The following SMARCC1 variants were observed in gnomAD, a reference collection of about 807,000 sequenced individuals.
The protein encoded by SMARCC1 is SWI/SNF complex subunit SMARCC1.
SMARCC1 carries 43 observed loss-of-function variants against 147.4 expected under a neutral mutation model. That is an observed-to-expected ratio of 0.29 (90% CI 0.23 to 0.38). The LOEUF (loss-of-function observed/expected upper bound fraction) is 0.38, where lower values mean the gene tolerates loss of function less well. Ranked by LOEUF, SMARCC1 falls within the 10% of genes least tolerant of loss-of-function variation. SMARCC1 has a pLI of 1.00. For synonymous variants in SMARCC1, 495 were observed against 484.4 expected, an observed-to-expected ratio of 1.02 and a Z score of -0.29; for missense variants, 1,119 against 1,381.1, an observed-to-expected ratio of 0.81 and a Z score of 3.01.
chr3:47,634,759 C>A lies in SMARCC1; in HGVS notation c.2646+431G>T, dbSNP rs1474413321. Reference sequence around the variant, plus strand: ...GAAAAAGAGCTATTTTAGGGTCTCTCTCTCCTTTCAGTCTGTAAGATCAGG... The same window carrying A: ...GAAAAAGAGCTATTTTAGGGTCTCTATCTCCTTTCAGTCTGTAAGATCAGG... On this transcript the variant is annotated intron_variant, in intron 24 of 27. Transcript: ENST00000254480. 2.6e-5 allele frequency among the ~76,000 whole-genome samples: 4 copies of A among 152,172 alleles called. No individual in the cohort carries two copies. The East Asian group carries it at 7.7e-4, about 29-fold the overall frequency.
chr3:47,759,525 G>T (rs2034747023), intron 2 of SMARCC1, among the ~76,000 whole-genome samples: 1 of 150,204 alleles, frequency 6.7e-6, no homozygotes, highest in African/African-American at 2.5e-5. Context: ...GGAGGCTGAG[G>T]CAGGAGAATA....
intron 19 of SMARCC1, among the ~76,000 whole-genome samples, chr3:47,668,352 T>C (rs79430033): frequency 0.01 from 1,554 of 152,250 alleles, 23 homozygotes; most frequent in African/African-American, 0.035. Flanking sequence ...TCTTACAGAG[T>C]AATTTCTTTT....
intron 9 of SMARCC1, 148 bp from the exon 10 acceptor site, chr3:47,706,678 A>G (rs373248055): frequency 1.5e-6 from 1 of 678,340 alleles, no homozygotes. Flanking sequence ...ATCATCCAGG[A>G]ACACCAGTAA....
intron 26 of SMARCC1, among the ~76,000 whole-genome samples, chr3:47,607,714 G>A (rs985810665): frequency 5.3e-5 from 8 of 152,146 alleles, no homozygotes; most frequent in Middle Eastern, 3.4e-3. Flanking sequence ...TAGCCAACTC[G>A]AAACAGTTCT....
intron 2 of SMARCC1, among the ~76,000 whole-genome samples, chr3:47,751,256 C>T (rs1243497544): frequency 6.6e-6 from 1 of 152,012 alleles, no homozygotes; most frequent in African/African-American, 2.4e-5. Context: ...AAGTAGAAAA[C>T]AGATGGCCAG....
At chr3:47,721,297 T>C (rs2034229998) in intron 6 of SMARCC1, among the ~76,000 whole-genome samples, 1 of 152,212 alleles carries the variant, frequency 6.6e-6, no homozygotes, top group African/African-American at 2.4e-5. Flanking sequence ...GCCTCATACC[T>C]GTTAGCCCTC....
chr3:47,599,213 C>G (rs1375550911), intron 26 of SMARCC1, among the ~76,000 whole-genome samples: 1 of 152,100 alleles, frequency 6.6e-6, no homozygotes, highest in Non-Finnish European at 1.5e-5. Context: ...ATGGTGAAAC[C>G]CTGTCTCTAC....
At chr3:47,702,425 G>C (rs984838096) in intron 10 of SMARCC1, among the ~76,000 whole-genome samples, 1 of 152,134 alleles carries the variant, frequency 6.6e-6, no homozygotes, top group African/African-American at 2.4e-5. Flanking sequence ...CTGAAGGTCA[G>C]AGTTAAGCTG....
At chr3:47,602,627 G>A (rs1473138209) in intron 26 of SMARCC1, among the ~76,000 whole-genome samples, 1 of 152,148 alleles carries the variant, frequency 6.6e-6, no homozygotes, top group Non-Finnish European at 1.5e-5. Flanking sequence ...GAATACCATT[G>A]TATTATGTCT....
At chr3:47,653,114 C>T (rs542661861) in intron 21 of SMARCC1, among the ~76,000 whole-genome samples, 3 of 152,128 alleles carry the variant, frequency 2.0e-5, no homozygotes, top group South Asian at 2.1e-4. Flanking sequence ...CCCGCCACCG[C>T]GCCCGGCTAA....
rs2033765784 is a variant in SMARCC1, at chr3:47,689,424, T to A, written c.1226A>T (p.Asp409Val). 1.9e-6 allele frequency: 3 copies of A among 1,612,642 alleles called. No homozygotes were observed. Among genetic ancestry groups the A allele is most frequent in the Non-Finnish European group, 2.5e-6 (3 of 1,178,668 alleles). Residue 409 changes from aspartate (D) to valine (V), a missense_variant and splice_region_variant, in exon 13 of 28, where the codon GAT (aspartate) becomes GTT (valine). By Grantham distance (152) the Asp-to-Val change is radical. Coordinates refer to ENST00000254480, the MANE Select transcript of SMARCC1 (RefSeq NM_003074.4). ...PVKGGTVADL[D>V]EQDEETVTAG... is the part of the protein sequence containing the mutation. ...TGTGACTGTTTCTTCATCCTGCTCA[T>A]CTGCAAAACCAAAACACACAATTCA... is the stretch of plus-strand genomic sequence containing the variant.
At chr3:47,697,543 C>A (rs1409023901) in intron 11 of SMARCC1, among the ~76,000 whole-genome samples, 2 of 151,076 alleles carry the variant, frequency 1.3e-5, no homozygotes, top group Non-Finnish European at 3.0e-5. Flanking sequence ...CTCAAGTGAT[C>A]CTCCCGCCTC....
At position 47,636,162 on chromosome 3, in the gene SMARCC1, C is replaced by CAAA. The variant is rs748640155; in HGVS notation, c.2377-27_2377-26insTTT. 1,046 of 1,316,070 alleles carry CAAA rather than the reference C, an allele frequency of 7.9e-4. 15 individuals carry two copies. In the East Asian group the frequency reaches 0.023, roughly 29 times the overall value. 81.5% of individuals were successfully genotyped at this position (1,316,070 alleles called of 1,614,324 possible). On this transcript the variant is annotated intron_variant, in intron 22 of 27. Coordinates refer to ENST00000254480, the MANE Select transcript of SMARCC1 (RefSeq NM_003074.4). ...CTGAAAGGGATATAAAACAAGAGGA[C>CAAA]AGGCAGTGAACAAAAAAACCCCAGA...
At chr3:47,686,239 C>A (rs991279877) in intron 13 of SMARCC1, 69 bp from the exon 14 acceptor site, 1 of 1,242,122 alleles carries the variant, frequency 8.1e-7, no homozygotes, top group Non-Finnish European at 1.1e-6. Flanking sequence ...ACATCTCTTA[C>A]ACTTCAGTTG....
intron 6 of SMARCC1, among the ~76,000 whole-genome samples, chr3:47,728,439 C>T (rs2034327034): frequency 6.6e-6 from 1 of 152,082 alleles, no homozygotes; most frequent in African/African-American, 2.4e-5. Context: ...CTAATGTGTA[C>T]TTTCTACATC....
At chr3:47,623,502 G>A (rs970197725) in intron 24 of SMARCC1, among the ~76,000 whole-genome samples, 1 of 152,102 alleles carries the variant, frequency 6.6e-6, no homozygotes, top group African/African-American at 2.4e-5. Flanking sequence ...CAAATATGGA[G>A]ACCCATTTGC....
At chr3:47,750,830 G>C (rs1576430662) in intron 2 of SMARCC1, among the ~76,000 whole-genome samples, 1 of 151,866 alleles carries the variant, frequency 6.6e-6, no homozygotes, top group African/African-American at 2.4e-5. Context: ...TATAAATAAG[G>C]TCAATTTCTC....
chr3:47,773,743 C>T (rs2034942240), intron 1 of SMARCC1, among the ~76,000 whole-genome samples: 1 of 152,012 alleles, frequency 6.6e-6, no homozygotes, highest in South Asian at 2.1e-4. Flanking sequence ...GATTCTCCTC[C>T]CTCAGCCTCC....
chr3:47,662,443 G>A lies in SMARCC1; in HGVS notation c.2049C>T (p.Tyr683=), dbSNP rs1269660710. The change falls in exon 20 of 28, where the codon TAC becomes TAT. Residue 683 remains tyrosine (Y), a synonymous_variant. Transcript: ENST00000254480. The part of the protein sequence containing the change: ...NSDASLGPLA[Y]QPVPFSQSGN... The stretch of plus-strand genomic sequence containing the variant: ...CTGACTGACTGAAGGGGACAGGCTG[G>A]TAGGCCAAAGGCCCAAGGGAAGCAT... 1 of 1,614,140 alleles carries A rather than the reference G, an allele frequency of 6.2e-7. No homozygotes were observed. The highest frequency in any genetic ancestry group is 1.1e-5 in the South Asian group (1 of 91,082).
Sources: gnomAD v4.1 joint callset for allele counts (sites outside exome capture counted in the v4.1 genomes callset) on GRCh38, gnomAD v4.1.1 for gene constraint, MANE v1.5 for transcripts, NCBI Gene and HGNC (gene_info 2026-07-23, HGNC 2026-07-21) for gene names.